Variants in RSF1 observed in about 807,000 individuals in gnomAD.
The protein encoded by RSF1 is HBV pX-associated protein 8.
RSF1 carries 13 observed loss-of-function variants against 145.2 expected under a neutral mutation model. The observed-to-expected ratio is 0.09, with a 90% CI of 0.06 to 0.14. The LOEUF is 0.14. Ranked by LOEUF, RSF1 falls within the 10% of genes least tolerant of loss-of-function variation. RSF1 has a pLI of 1.00. For missense variants in RSF1, 1,517 were observed against 1,718.2 expected, an observed-to-expected ratio of 0.88 and a Z score of 2.07; for synonymous variants, 577 against 592.6, an observed-to-expected ratio of 0.97 and a Z score of 0.38.
chr11:77,682,898 G>A (rs1959901620), intron 11 of RSF1, among the ~76,000 whole-genome samples: 2 of 152,234 alleles, frequency 1.3e-5, no homozygotes, highest in African/African-American at 2.4e-5. Flanking sequence ...ACTAAAAGGC[G>A]ATGCAGCAAA....
chr11:77,791,335 C>T (rs1039064298), intron 1 of RSF1, among the ~76,000 whole-genome samples: 1 of 152,126 alleles, frequency 6.6e-6, no homozygotes, highest in Non-Finnish European at 1.5e-5. Context: ...GAGCACCAAG[C>T]CCCTAGACTG....
In RSF1 at chr11:77,678,096, G is replaced by T. The variant is rs768937922; in HGVS notation, c.3123C>A (p.Ala1041=). 6.2e-7 allele frequency: 1 copy of T among 1,611,212 alleles called. No individual in the cohort carries two copies. The highest frequency in any genetic ancestry group is 8.5e-7 in the Non-Finnish European group (1 of 1,178,398). ...ACGACAAACACATACCTCCTCCATC[G>T]GCTTCTTTGATGTCATCTTCAATAG... ...DEAIEDDIKE[A]DGGGVGRGKD... Residue 1041 remains alanine (A), a synonymous_variant, in exon 12 of 16, where the codon GCC becomes GCA. Transcript: ENST00000308488.
the RSF1 span, among the ~76,000 whole-genome samples, chr11:77,834,323 A>G: frequency 6.6e-6 from 1 of 152,208 alleles, no homozygotes; most frequent in African/African-American, 2.4e-5. Context: ...TTTCTACAGA[A>G]GTAAACACAT....
intron 4 of RSF1, among the ~76,000 whole-genome samples, chr11:77,732,091 C>CTG (rs2135896728): frequency 6.6e-6 from 1 of 152,284 alleles, no homozygotes; most frequent in South Asian, 2.1e-4. Context: ...AGGAGGGAGG[C>CTG]TGTACAGGGG....
the RSF1 span, among the ~76,000 whole-genome samples, chr11:77,838,851 C>T: frequency 2.6e-5 from 4 of 152,000 alleles, no homozygotes; most frequent in East Asian, 1.9e-4. Flanking sequence ...CTCCTGACCT[C>T]GTGATCCGCC....
At chr11:77,842,584 C>T in the RSF1 span, 2 of 1,613,902 alleles carry the variant, frequency 1.2e-6, no homozygotes, top group Admixed American at 3.3e-5. Flanking sequence ...CAAAGTATGG[C>T]CAGGGGGTAG....
intron 7 of RSF1, among the ~76,000 whole-genome samples, chr11:77,697,172 T>C (rs7479766): frequency 6.6e-6 from 1 of 152,060 alleles, no homozygotes; most frequent in South Asian, 2.1e-4. Context: ...TCTGGCCCTA[T>C]GCTTTTCCCA....
At chr11:77,706,571 A>C (rs1253284324) in intron 5 of RSF1, among the ~76,000 whole-genome samples, 2 of 152,188 alleles carry the variant, frequency 1.3e-5, no homozygotes, top group Non-Finnish European at 2.9e-5. Context: ...TCAGTTTCCC[A>C]AAGCTGCCAT....
At chr11:77,745,797 C>T (rs1947993538) in intron 3 of RSF1, among the ~76,000 whole-genome samples, 1 of 151,628 alleles carries the variant, frequency 6.6e-6, no homozygotes, top group South Asian at 2.1e-4. Flanking sequence ...TCTGCCCGGG[C>T]AGACAACACA....
intron 1 of RSF1, among the ~76,000 whole-genome samples, chr11:77,806,009 T>C (rs553577947): frequency 7.2e-5 from 11 of 152,312 alleles, no homozygotes; most frequent in African/African-American, 2.6e-4. Context: ...CTTTCTCAGA[T>C]CTAGCCTTTT....
chr11:77,851,216 G>C, the RSF1 span: 2 of 152,186 alleles, frequency 1.3e-5, no homozygotes, highest in African/African-American at 4.8e-5. Flanking sequence ...GCCTCCCAAA[G>C]TGCTGGGATT....
At chr11:77,805,558 T>C (rs1345776653) in intron 1 of RSF1, among the ~76,000 whole-genome samples, 2 of 152,192 alleles carry the variant, frequency 1.3e-5, no homozygotes, top group Non-Finnish European at 2.9e-5. Context: ...TTAATTTTAA[T>C]TACCTTAAGT....
At chr11:77,744,439 C>G (rs543357573) in intron 3 of RSF1, among the ~76,000 whole-genome samples, 7 of 152,306 alleles carry the variant, frequency 4.6e-5, no homozygotes, top group Admixed American at 1.3e-4. Flanking sequence ...GCTAGGTCTA[C>G]AGGTACACGC....
chr11:77,759,893 A>C (rs1281539963), intron 2 of RSF1, among the ~76,000 whole-genome samples: 2 of 151,780 alleles, frequency 1.3e-5, no homozygotes, highest in Non-Finnish European at 2.9e-5. Flanking sequence ...TGAGTTTATA[A>C]TAAGCTGTCA....
At chr11:77,734,853 G>C in intron 4 of RSF1, 1 of 1,585,992 alleles carries the variant, frequency 6.3e-7, no homozygotes, top group Non-Finnish European at 8.6e-7. Flanking sequence ...CATGAGATTG[G>C]TGAAGAAAGT....
chr11:77,814,402 T>C (rs1948762148), intron 1 of RSF1, among the ~76,000 whole-genome samples: 1 of 151,828 alleles, frequency 6.6e-6, no homozygotes, highest in Middle Eastern at 3.4e-3. Context: ...ACTCGGGAGG[T>C]TGGGGCAGGA....
the RSF1 span, among the ~76,000 whole-genome samples, chr11:77,846,157 G>C: frequency 2.0e-5 from 3 of 152,032 alleles, no homozygotes; most frequent in African/African-American, 7.3e-5. Flanking sequence ...TTTGTTTGTG[G>C]CTTCTGAGGT....
intron 1 of RSF1, among the ~76,000 whole-genome samples, chr11:77,781,879 G>T (rs550390872): frequency 6.6e-6 from 1 of 152,178 alleles, no homozygotes; most frequent in African/African-American, 2.4e-5. Context: ...TGTCAGAATT[G>T]TATCTTCCTA....
At chr11:77,784,382 A>G (rs964334039) in intron 1 of RSF1, among the ~76,000 whole-genome samples, 4 of 151,156 alleles carry the variant, frequency 2.6e-5, no homozygotes, top group African/African-American at 9.7e-5. Context: ...CATTATGTTC[A>G]TATTTTTCTT....
Sources: allele counts gnomAD v4.1 joint callset (sites outside exome capture counted in the v4.1 genomes callset), GRCh38; gene constraint gnomAD v4.1.1; transcripts MANE v1.5; gene names NCBI Gene and HGNC (gene_info 2026-07-23, HGNC 2026-07-21).